CLVS1: variants seen among roughly 807,000 people sequenced by gnomAD.
The protein encoded by CLVS1 is clavesin-1.
A neutral mutation model predicts 33.1 loss-of-function variants in CLVS1; 10 were observed. The ratio of observed to expected loss-of-function variants is 0.30; its 90% CI spans 0.19 to 0.51. CLVS1 has a LOEUF of 0.51. Among genes scored for constraint, CLVS1 ranks in the 20% least tolerant of loss-of-function variants. The pLI, the probability that CLVS1 is intolerant of heterozygous loss-of-function variation, is 0.97. For missense variants in CLVS1, 343 were observed against 433.4 expected (o/e 0.79, Z 1.85); for synonymous variants, 163 against 166.1 (o/e 0.98, Z 0.14).
chr8:61,029,951 C>T, the CLVS1 span, among the ~76,000 whole-genome samples: 5 of 152,300 alleles, frequency 3.3e-5, no homozygotes, highest in Non-Finnish European at 5.9e-5. Context: ...GCCCTACAGC[C>T]ATCCCTTATG....
At chr8:60,992,931 G>A in the CLVS1 span, among the ~76,000 whole-genome samples, 1 of 152,248 alleles carries the variant, frequency 6.6e-6, no homozygotes, top group African/African-American at 2.4e-5. Context: ...GAAACTCAGT[G>A]GAGGAGCCCT....
At chr8:61,097,283 C>T (rs1437567735) in intron 1 of CLVS1, among the ~76,000 whole-genome samples, 1 of 150,936 alleles carries the variant, frequency 6.6e-6, no homozygotes, top group East Asian at 1.9e-4. Flanking sequence ...CAGAGTGAGA[C>T]TCCATCTCAA....
intron 3 of CLVS1, among the ~76,000 whole-genome samples, chr8:61,430,086 T>C (rs969751020): frequency 6.6e-6 from 1 of 152,222 alleles, no homozygotes; most frequent in Non-Finnish European, 1.5e-5. Context: ...ATACTTGTAC[T>C]GATTTACATT....
chr8:61,136,269 T>C (rs1161791400), intron 2 of CLVS1, among the ~76,000 whole-genome samples: 1 of 152,190 alleles, frequency 6.6e-6, no homozygotes, highest in Non-Finnish European at 1.5e-5. Flanking sequence ...GGAGATGTGA[T>C]TTCCCTGCTG....
intron 2 of CLVS1, among the ~76,000 whole-genome samples, chr8:61,340,064 AAAG>A (rs900877459): frequency 2.0e-5 from 3 of 148,248 alleles, no homozygotes; most frequent in Admixed American, 6.6e-5. Context: ...AAAGAAAAAG[AAAG>A]AAAGAAAAAG....
At chr8:61,050,501 A>G in the CLVS1 span, among the ~76,000 whole-genome samples, 1 of 152,232 alleles carries the variant, frequency 6.6e-6, no homozygotes, top group East Asian at 1.9e-4. Context: ...TGCTGGGCCA[A>G]CAGAGAGTCA....
Position 61,151,817 on chromosome 8 carries a change from G to A in CLVS1, c.-152+19957G>A, listed in dbSNP as rs138755754. ...ATTCATGTCTTTTTCCCTTGCTAGG[G>A]GTGATCCAGTCAAATATAAGGCCCC... On this transcript the variant is annotated intron_variant, in intron 2 of 2. Transcript: ENST00000522621. Among the ~76,000 whole-genome samples, 178 of 152,260 alleles carry A rather than the reference G, an allele frequency of 1.2e-3. 1 individual carries two copies. Among genetic ancestry groups the A allele is most frequent in the African/African-American group, 4.3e-3 (177 of 41,550 alleles).
At chr8:61,125,578 C>T (rs1805954225) in intron 1 of CLVS1, among the ~76,000 whole-genome samples, 1 of 152,194 alleles carries the variant, frequency 6.6e-6, no homozygotes, top group Non-Finnish European at 1.5e-5. Flanking sequence ...GTAGGTCCCA[C>T]AATAGATGCA....
At chr8:61,065,338 T>C (rs961108826) in intron 1 of CLVS1, among the ~76,000 whole-genome samples, 1 of 151,596 alleles carries the variant, frequency 6.6e-6, no homozygotes, top group Non-Finnish European at 1.5e-5. Context: ...TACAATCATC[T>C]TTTTTTTTCC....
intron 1 of CLVS1, among the ~76,000 whole-genome samples, chr8:61,117,720 G>A (rs1215237677): frequency 3.3e-5 from 5 of 152,176 alleles, no homozygotes; most frequent in Non-Finnish European, 7.3e-5. Context: ...CAGGGATGAA[G>A]CCCACTTGAT....
intron 2 of CLVS1, among the ~76,000 whole-genome samples, chr8:61,136,332 GCAA>G (rs1806190309): frequency 6.6e-6 from 1 of 152,180 alleles, no homozygotes; most frequent in Non-Finnish European, 1.5e-5. Flanking sequence ...CAGCCTCACT[GCAA>G]CAACATGATT....
chr8:61,443,604 C>G (rs1469450410), intron 3 of CLVS1, among the ~76,000 whole-genome samples: 1 of 152,156 alleles, frequency 6.6e-6, no homozygotes, highest in African/African-American at 2.4e-5. Flanking sequence ...ATCTATATAT[C>G]TTTTCCTCCA....
chr8:61,013,794 C>T, the CLVS1 span, among the ~76,000 whole-genome samples: 18 of 152,260 alleles, frequency 1.2e-4, no homozygotes, highest in African/African-American at 4.3e-4. Flanking sequence ...TTCCATGACC[C>T]CTCCTCCCAC....
intron 1 of CLVS1, among the ~76,000 whole-genome samples, chr8:61,061,498 C>T (rs1585579652): frequency 6.6e-6 from 1 of 152,202 alleles, no homozygotes; most frequent in Non-Finnish European, 1.5e-5. Context: ...TTTCCGGCTC[C>T]TCCCCATGAA....
intron 2 of CLVS1, among the ~76,000 whole-genome samples, chr8:61,315,770 T>C (rs1275108353): frequency 6.6e-6 from 1 of 152,176 alleles, no homozygotes. Context: ...GGGATACATG[T>C]GCAGAAAGTG....
intron 3 of CLVS1, among the ~76,000 whole-genome samples, chr8:61,404,588 A>C (rs1315544479): frequency 6.6e-6 from 1 of 152,214 alleles, no homozygotes; most frequent in African/African-American, 2.4e-5. Flanking sequence ...CTACCAAGTG[A>C]CAAGACGCAA....
At chr8:61,090,473 G>A (rs996403096) in intron 1 of CLVS1, among the ~76,000 whole-genome samples, 1 of 151,932 alleles carries the variant, frequency 6.6e-6, no homozygotes, top group Non-Finnish European at 1.5e-5. Context: ...CCCAAAATTC[G>A]ATAGGCAGAA....
intron 1 of CLVS1, among the ~76,000 whole-genome samples, chr8:61,128,554 A>G (rs1386310695): frequency 1.3e-5 from 2 of 152,224 alleles, no homozygotes; most frequent in African/African-American, 4.8e-5. Flanking sequence ...GTAACATGGC[A>G]TGAAATCCAG....
intron 2 of CLVS1, among the ~76,000 whole-genome samples, chr8:61,197,832 C>T (rs1193481451): frequency 1.3e-5 from 2 of 152,142 alleles, no homozygotes; most frequent in Non-Finnish European, 2.9e-5. Context: ...CCCAGTATGG[C>T]TTTACTCTCC....
Sources: gnomAD v4.1 joint callset for allele counts (sites outside exome capture counted in the v4.1 genomes callset) on GRCh38, gnomAD v4.1.1 for gene constraint, MANE v1.5 for transcripts, NCBI Gene and HGNC (gene_info 2026-07-23, HGNC 2026-07-21) for gene names.